ABLIM3: variants seen among roughly 807,000 people sequenced by gnomAD.
ABLIM3 encodes the protein actin-binding LIM protein 3.
ABLIM3 carries 61 observed loss-of-function variants against 109.5 expected under a neutral mutation model. That is an observed-to-expected ratio of 0.56 (90% CI 0.45 to 0.69). ABLIM3 has a LOEUF of 0.69. Among genes scored for constraint, ABLIM3 ranks in the 30% least tolerant of loss-of-function variants. The probability of loss-of-function intolerance (pLI) is 0.00; values close to 1 mark genes in which losing one functional copy is unlikely to be tolerated. For missense variants in ABLIM3, 796 were observed against 889.5 expected (o/e 0.89, Z 1.34); for synonymous variants, 300 against 324.8 (o/e 0.92, Z 0.82).
chr5:149,176,596 A>G (rs1755951948), intron 2 of ABLIM3, among the ~76,000 whole-genome samples: 1 of 152,122 alleles, frequency 6.6e-6, no homozygotes, highest in Non-Finnish European at 1.5e-5. Flanking sequence ...ATTCTCCTGT[A>G]AAATGAGGAT....
At chr5:149,241,532 G>T (rs1167198988) in intron 14 of ABLIM3, among the ~76,000 whole-genome samples, 1 of 152,198 alleles carries the variant, frequency 6.6e-6, no homozygotes, top group Non-Finnish European at 1.5e-5. Flanking sequence ...AGGCCGAGGC[G>T]TGTGGGTCAT....
chr5:149,249,030 A>C (rs1753686741), intron 18 of ABLIM3, among the ~76,000 whole-genome samples: 1 of 152,188 alleles, frequency 6.6e-6, no homozygotes, highest in African/African-American at 2.4e-5. Flanking sequence ...ATTTGTAGGA[A>C]TGTTACACTC....
At chr5:149,223,672 C>T (rs1760891727) in intron 8 of ABLIM3, among the ~76,000 whole-genome samples, 1 of 152,122 alleles carries the variant, frequency 6.6e-6, no homozygotes, top group African/African-American at 2.4e-5. Flanking sequence ...AGGGCCTGGC[C>T]AGCCCCCTGC....
At position 149,259,321 on chromosome 5, in the gene ABLIM3, C is replaced by T; in HGVS notation, c.*917C>T. The T allele has an allele frequency of 7.0e-7, 1 of 1,420,086 alleles. No individual in the cohort carries two copies. Among genetic ancestry groups the T allele is most frequent in the Non-Finnish European group, 9.2e-7 (1 of 1,089,900 alleles). The allele number at this position is 1,420,086 out of a possible 1,614,324, so 88.0% of individuals were successfully genotyped here. A position where few individuals can be genotyped will look rare whatever the true frequency, so the allele number is the denominator to read the frequency against. ...CAGCTTGTATTCTTTAGCCTTATTA[C>T]AATCTATGTGCCTGACAACTCAACA... is the stretch of plus-strand genomic sequence containing the variant. On this transcript the variant is annotated 3_prime_UTR_variant, in exon 24 of 24. Transcript: ENST00000309868.
At chr5:149,244,629 G>A (rs1235246548) in intron 15 of ABLIM3, 5 of 508,466 alleles carry the variant, frequency 9.8e-6, no homozygotes, top group Non-Finnish European at 1.8e-5. Flanking sequence ...TCCAGTTCTG[G>A]TGCTCACATG....
intron 2 of ABLIM3, among the ~76,000 whole-genome samples, chr5:149,175,328 C>T (rs1427218908): frequency 1.3e-5 from 2 of 152,154 alleles, no homozygotes; most frequent in Admixed American, 1.3e-4. Flanking sequence ...AAAACAGGGA[C>T]AAAATGGGTG....
At chr5:149,182,077 T>A (rs1756518631) in intron 2 of ABLIM3, among the ~76,000 whole-genome samples, 1 of 152,198 alleles carries the variant, frequency 6.6e-6, no homozygotes, top group African/African-American at 2.4e-5. Context: ...CAATCCTCCA[T>A]GTGCCTAGAA....
chr5:149,232,516 C>A (rs74591039), intron 9 of ABLIM3, among the ~76,000 whole-genome samples: 132 of 152,292 alleles, frequency 8.7e-4, no homozygotes, highest in African/African-American at 2.9e-3. Flanking sequence ...AACTTTATAG[C>A]CCCACTTAGA....
At chr5:149,196,986 T>C (rs1303179276) in intron 3 of ABLIM3, among the ~76,000 whole-genome samples, 3 of 152,232 alleles carry the variant, frequency 2.0e-5, no homozygotes, top group Non-Finnish European at 4.4e-5. Flanking sequence ...GGAAATGCCT[T>C]GTAAAATCCT....
At chr5:149,213,563 C>A (rs529996851) in intron 7 of ABLIM3, among the ~76,000 whole-genome samples, 1 of 152,072 alleles carries the variant, frequency 6.6e-6, no homozygotes, top group Non-Finnish European at 1.5e-5. Flanking sequence ...AGGGTCAATG[C>A]GGTGGGAGAT....
At chr5:149,150,224 C>T (rs542463395) in intron 2 of ABLIM3, among the ~76,000 whole-genome samples, 81 of 152,264 alleles carry the variant, frequency 5.3e-4, no homozygotes, top group Admixed American at 2.0e-3. Context: ...GCACACGGGG[C>T]ATGATGACCT....
Position 149,207,150 on chromosome 5 carries a change from C to A in ABLIM3, c.575+16C>A. 6.2e-7 allele frequency: 1 copy of A among 1,610,590 alleles called. No homozygotes were observed. Among genetic ancestry groups the A allele is most frequent in the Non-Finnish European group, 8.5e-7 (1 of 1,177,954 alleles). ...ATATCAGCAAGTGGGTCCCCCTGCT[C>A]CTGCCCCAGCTGCCTGGGCCTCTGC... On this transcript the variant is annotated intron_variant, in intron 6 of 23. Transcript: ENST00000309868.
intron 2 of ABLIM3, among the ~76,000 whole-genome samples, chr5:149,179,280 CAGG>C (rs144037233): frequency 0.038 from 5,742 of 149,804 alleles, 335 homozygotes; most frequent in African/African-American, 0.13. Flanking sequence ...TTTTTAATCT[CAGG>C]GGCATTAATA....
chr5:149,232,841 G>T (rs926693677), intron 9 of ABLIM3, among the ~76,000 whole-genome samples: 9 of 152,118 alleles, frequency 5.9e-5, no homozygotes, highest in African/African-American at 1.9e-4. Context: ...GTGCAATTAC[G>T]TGAAATTTAA....
chr5:149,198,218 G>C lies in ABLIM3; in HGVS notation c.152-1G>C, dbSNP rs1758158588. The C allele has an allele frequency of 1.9e-6, 3 of 1,610,584 alleles. No individual in the cohort carries two copies. The highest frequency in any genetic ancestry group is 2.5e-6 in the Non-Finnish European group (3 of 1,178,334). On this transcript the variant is annotated splice_acceptor_variant, in intron 3 of 23. Coordinates refer to ENST00000309868, the MANE Select transcript of ABLIM3 (RefSeq NM_014945.5). LOFTEE classifies it high-confidence loss of function. This position sits in a 1 kb window ranked among gnomAD's most constrained non-coding sequence, Gnocchi z 4.2. ...CCTTGTTTTCCTCCTTGTTCCCCAA[G>C]TATGTGGCTGTGGCCTGGCCCAGTC...
intron 5 of ABLIM3, among the ~76,000 whole-genome samples, chr5:149,206,139 T>C (rs976837826): frequency 6.6e-6 from 1 of 152,214 alleles, no homozygotes; most frequent in Non-Finnish European, 1.5e-5. Context: ...CCAAGTGCCT[T>C]GGACGTTGGC....
intron 7 of ABLIM3, among the ~76,000 whole-genome samples, chr5:149,215,705 C>T (rs1760011095): frequency 6.6e-6 from 1 of 152,186 alleles, no homozygotes; most frequent in Non-Finnish European, 1.5e-5. Context: ...GAAAACCCTG[C>T]CCTGACGTTG....
chr5:149,173,446 A>C (rs1194026367), intron 2 of ABLIM3, among the ~76,000 whole-genome samples: 1 of 152,142 alleles, frequency 6.6e-6, no homozygotes, highest in Non-Finnish European at 1.5e-5. Flanking sequence ...GAACTTCCCC[A>C]ATGTTTCCTG....
At chr5:149,152,416 T>G (rs960360288) in intron 2 of ABLIM3, among the ~76,000 whole-genome samples, 2 of 152,196 alleles carry the variant, frequency 1.3e-5, no homozygotes, top group Non-Finnish European at 2.9e-5. Context: ...TGCCATGATA[T>G]TAATGTCCTC....
Sources: allele counts gnomAD v4.1 joint callset (sites outside exome capture counted in the v4.1 genomes callset), GRCh38; gene constraint gnomAD v4.1.1; non-coding constraint Gnocchi (gnomAD v3.1); transcripts MANE v1.5; gene names NCBI Gene and HGNC (gene_info 2026-07-23, HGNC 2026-07-21).